Variants in NAV2 observed in about 807,000 individuals in gnomAD.
NAV2 encodes helicase, APC down-regulated 1.
In NAV2, 54 loss-of-function variants were observed where a neutral mutation model predicts 223.2. The observed-to-expected ratio is 0.24, with a 90% confidence interval of 0.19 to 0.30. The LOEUF (loss-of-function observed/expected upper bound fraction) is 0.30, where lower values mean the gene tolerates loss of function less well. NAV2 is among the 10% of genes least tolerant of loss of function. NAV2 has a pLI of 1.00. For synonymous variants in NAV2, 1,279 were observed against 1,239.3 expected (o/e 1.03, Z -0.67); for missense variants, 2,806 against 3,147.5 (o/e 0.89, Z 2.60).
chr11:19,508,901 G>T (rs2043197351), intron 1 of NAV2, among the ~76,000 whole-genome samples: 1 of 152,172 alleles, frequency 6.6e-6, no homozygotes, highest in Non-Finnish European at 1.5e-5. Context: ...AAATTTCCTA[G>T]CTTCCTTAAT....
intron 1 of NAV2, among the ~76,000 whole-genome samples, chr11:19,829,766 C>T (rs1043529496): frequency 2.0e-5 from 3 of 152,202 alleles, no homozygotes; most frequent in African/African-American, 7.2e-5. Context: ...TGGATCAGGA[C>T]AGGCACTTCC....
At chr11:19,559,806 C>T (rs1408758514) in intron 1 of NAV2, among the ~76,000 whole-genome samples, 1 of 152,224 alleles carries the variant, frequency 6.6e-6, no homozygotes, top group Non-Finnish European at 1.5e-5. Context: ...TTCTGGCACT[C>T]TCCCTTTCCC....
In NAV2 at chr11:19,563,122, A is replaced by G. The variant is rs552559208; in HGVS notation, c.75+212095A>G. Among the ~76,000 whole-genome samples the G allele has an allele frequency of 2.2e-4, 34 of 152,354 alleles. No individual in the cohort carries two copies. In the East Asian group the frequency reaches 6.2e-3, roughly 28 times the overall value. ...CTCAGGAAAACAAAAGAAATACAAA[A>G]GTTTGGATTGTGGGCAGATAGAATT... On this transcript the variant is annotated intron_variant, in intron 1 of 37. Transcript: ENST00000360655.
intron 1 of NAV2, among the ~76,000 whole-genome samples, chr11:19,828,938 A>G (rs1289452235): frequency 1.3e-5 from 2 of 152,182 alleles, no homozygotes; most frequent in Non-Finnish European, 2.9e-5. Context: ...AGTGTACCTG[A>G]TACTTGTGTG....
At chr11:20,107,833 G>A in intron 36 of NAV2, 51 bp downstream of exon 36, 2 of 1,243,182 alleles carry the variant, frequency 1.6e-6, no homozygotes, top group African/African-American at 1.5e-5. Context: ...GACTGTTCTG[G>A]TGACCAGATG....
intron 37 of NAV2, among the ~76,000 whole-genome samples, chr11:20,117,705 C>A (rs2063237077): frequency 6.6e-6 from 1 of 152,116 alleles, no homozygotes; most frequent in South Asian, 2.1e-4. Context: ...ATGCCAAGTT[C>A]CAGGAACAGG....
intron 1 of NAV2, among the ~76,000 whole-genome samples, chr11:19,381,124 C>T (rs1478132416): frequency 1.3e-5 from 2 of 152,176 alleles, no homozygotes; most frequent in Non-Finnish European, 2.9e-5. Flanking sequence ...CATCCTTTGA[C>T]ATTCAGCCAG....
chr11:19,926,046 T>C (rs915288091), intron 6 of NAV2, among the ~76,000 whole-genome samples: 1 of 152,200 alleles, frequency 6.6e-6, no homozygotes, highest in African/African-American at 2.4e-5. Flanking sequence ...TCAAGATTGT[T>C]TTGATTTTTG....
At chr11:19,803,073 T>C (rs183788190) in intron 1 of NAV2, among the ~76,000 whole-genome samples, 424 of 152,320 alleles carry the variant, frequency 2.8e-3, no homozygotes, top group African/African-American at 9.5e-3. Context: ...GTTTCTGCTC[T>C]TGTGCAAAAT....
chr11:19,592,790 C>G (rs1351476711), intron 1 of NAV2, among the ~76,000 whole-genome samples: 1 of 152,082 alleles, frequency 6.6e-6, no homozygotes, highest in East Asian at 1.9e-4. Flanking sequence ...TGACTAAGTG[C>G]TCATTTAGGC....
chr11:19,456,002 G>C (rs1341003199), intron 1 of NAV2, among the ~76,000 whole-genome samples: 2 of 152,204 alleles, frequency 1.3e-5, no homozygotes, highest in Non-Finnish European at 2.9e-5. Context: ...GCCCTGCAGA[G>C]GGGGAGGGAA....
At chr11:19,644,231 T>C (rs1348510938) in intron 1 of NAV2, among the ~76,000 whole-genome samples, 3 of 152,208 alleles carry the variant, frequency 2.0e-5, no homozygotes, top group African/African-American at 7.2e-5. Flanking sequence ...ATCAGGACAT[T>C]TTGAACTGTA....
chr11:19,438,867 AAGGCTGTCTAAACTT>A (rs1370603763), intron 1 of NAV2, among the ~76,000 whole-genome samples: 5 of 151,856 alleles, frequency 3.3e-5, no homozygotes, highest in African/African-American at 4.8e-5. Context: ...TCTAAACCCA[AAGGCTGTCTAAACTT>A]AGAAGTTTAG....
At chr11:19,763,121 A>T (rs556985820) in intron 1 of NAV2, among the ~76,000 whole-genome samples, 2 of 152,330 alleles carry the variant, frequency 1.3e-5, no homozygotes, top group Admixed American at 6.5e-5. Context: ...AAGTATCTGG[A>T]CCGCAGTAGA....
chr11:20,112,958 C>CA (rs2062764129), intron 36 of NAV2, among the ~76,000 whole-genome samples: 1 of 152,196 alleles, frequency 6.6e-6, no homozygotes, highest in Admixed American at 6.5e-5. Context: ...GGAGAGCAGA[C>CA]AGACAGACAG....
chr11:19,548,893 A>AAAAC (rs1224330894), intron 1 of NAV2, among the ~76,000 whole-genome samples: 47 of 151,894 alleles, frequency 3.1e-4, no homozygotes, highest in African/African-American at 1.1e-3. Flanking sequence ...AAAAAAAAAA[A>AAAAC]AAACACCCTC....
intron 11 of NAV2, among the ~76,000 whole-genome samples, chr11:20,013,909 C>G (rs2053785765): frequency 6.6e-6 from 1 of 152,220 alleles, no homozygotes; most frequent in African/African-American, 2.4e-5. Context: ...ATCTGAGAGC[C>G]ACAGTCAGGA....
intron 6 of NAV2, among the ~76,000 whole-genome samples, chr11:19,928,865 C>T (rs2045040333): frequency 6.6e-6 from 1 of 152,134 alleles, no homozygotes; most frequent in Non-Finnish European, 1.5e-5. Context: ...CAAGGTCCAG[C>T]CTACCCACCC....
intron 5 of NAV2, chr11:19,884,312 A>G (rs2063400914): frequency 3.1e-6 from 5 of 1,614,034 alleles, no homozygotes; most frequent in Non-Finnish European, 4.2e-6. Context: ...CCAAGGACTC[A>G]TCTCAAAGCA....
Sources: gnomAD v4.1 joint callset for allele counts (sites outside exome capture counted in the v4.1 genomes callset) on GRCh38, gnomAD v4.1.1 for gene constraint, MANE v1.5 for transcripts, NCBI Gene and HGNC (gene_info 2026-07-23, HGNC 2026-07-21) for gene names.